Variants in TAOK1 observed in about 807,000 individuals in gnomAD.
TAOK1 encodes the protein TAO kinase 1.
In TAOK1, 21 loss-of-function variants were observed where a neutral mutation model predicts 138.3. The observed-to-expected ratio is 0.15, with a 90% CI of 0.11 to 0.22. TAOK1 has a LOEUF of 0.22. Ranked by LOEUF, TAOK1 falls within the 10% of genes least tolerant of loss-of-function variation. The pLI is 1.00. For missense variants in TAOK1, 651 were observed against 1,227.7 expected (o/e 0.53, Z 7.02); for synonymous variants, 361 against 398.4 (o/e 0.91, Z 1.12).
intron 1 of TAOK1, among the ~76,000 whole-genome samples, chr17:29,422,976 G>A (rs1346567252): frequency 2.0e-5 from 3 of 152,124 alleles, no homozygotes; most frequent in Non-Finnish European, 4.4e-5. Flanking sequence ...AGTGAGTTGA[G>A]ATCGCCTCAT....
intron 1 of TAOK1, among the ~76,000 whole-genome samples, chr17:29,394,158 T>TTTTTG (rs1279952131): frequency 3.8e-5 from 4 of 106,296 alleles, no homozygotes; most frequent in Non-Finnish European, 7.3e-5. Flanking sequence ...CAGTTTTTTT[T>TTTTTG]TTTTTTTTTT....
chr17:29,450,475 G>T (rs1010793770), intron 1 of TAOK1, among the ~76,000 whole-genome samples: 1 of 151,904 alleles, frequency 6.6e-6, no homozygotes, highest in African/African-American at 2.4e-5. Flanking sequence ...TCATTCCAGA[G>T]TCCAGGTTCC....
chr17:29,477,079 T>C (rs1278873894), intron 4 of TAOK1, among the ~76,000 whole-genome samples: 1 of 152,120 alleles, frequency 6.6e-6, no homozygotes, highest in African/African-American at 2.4e-5. Context: ...TCTCCTAACC[T>C]GGTGATCTGC....
At chr17:29,532,874 C>T (rs575551472) in intron 18 of TAOK1, among the ~76,000 whole-genome samples, 10 of 151,880 alleles carry the variant, frequency 6.6e-5, no homozygotes, top group Non-Finnish European at 1.3e-4. Context: ...ACCTCCCAGA[C>T]GGGGTGGTGG....
At chr17:29,474,865 AGT>A (rs2030908734) in intron 3 of TAOK1, among the ~76,000 whole-genome samples, 1 of 151,504 alleles carries the variant, frequency 6.6e-6, no homozygotes, top group African/African-American at 2.4e-5. Context: ...AAAAAAAAAA[AGT>A]AACATCTGTG....
At chr17:29,506,625 C>T (rs1298220721) in intron 13 of TAOK1, among the ~76,000 whole-genome samples, 1 of 151,548 alleles carries the variant, frequency 6.6e-6, no homozygotes, top group Non-Finnish European at 1.5e-5. Context: ...AAATGTCTCA[C>T]CATAAAAAAT....
chr17:29,497,727 A>G (rs190591284), intron 11 of TAOK1, among the ~76,000 whole-genome samples: 276 of 151,716 alleles, frequency 1.8e-3, no homozygotes, highest in South Asian at 6.0e-3. Flanking sequence ...AAAAAAAAAA[A>G]AAAGAAAGAC....
chr17:29,517,048 GAGATCTCAGC>G (rs2031829529), intron 15 of TAOK1, among the ~76,000 whole-genome samples: 1 of 150,846 alleles, frequency 6.6e-6, no homozygotes, highest in South Asian at 2.1e-4. Context: ...GTGCAGTGGC[GAGATCTCAGC>G]TCACTGCAAG....
chr17:29,504,660 A>G (rs1469650234), intron 13 of TAOK1, among the ~76,000 whole-genome samples: 1 of 152,056 alleles, frequency 6.6e-6, no homozygotes, highest in Admixed American at 6.6e-5. Context: ...TCAGAGCGAG[A>G]CTCTGTCTCA....
At chr17:29,464,319 C>G (rs2030602898) in intron 2 of TAOK1, among the ~76,000 whole-genome samples, 1 of 151,486 alleles carries the variant, frequency 6.6e-6, no homozygotes, top group East Asian at 1.9e-4. Context: ...TGGCGGGCAC[C>G]TGTAGTCCCA....
At chr17:29,449,058 G>A (rs1015942888) in intron 1 of TAOK1, among the ~76,000 whole-genome samples, 1 of 152,130 alleles carries the variant, frequency 6.6e-6, no homozygotes, top group African/African-American at 2.4e-5. Context: ...GAAAGAAGAT[G>A]CCGATCATGG....
At chr17:29,466,639 C>T (rs184190763) in intron 2 of TAOK1, among the ~76,000 whole-genome samples, 17 of 152,168 alleles carry the variant, frequency 1.1e-4, no homozygotes, top group African/African-American at 4.1e-4. Flanking sequence ...CTATTTTTCT[C>T]TTATATATTC....
chr17:29,513,801 G>C (rs753890073), intron 15 of TAOK1: 1 of 152,054 alleles, frequency 6.6e-6, no homozygotes, highest in African/African-American at 2.4e-5. Flanking sequence ...AAAATTAGCC[G>C]GGCGTGGTGG....
At chr17:29,530,769 C>G in intron 18 of TAOK1, 150 bp downstream of exon 18, 1 of 671,426 alleles carries the variant, frequency 1.5e-6, no homozygotes, top group Non-Finnish European at 2.6e-6. Flanking sequence ...TTCCTGTTCT[C>G]AACATTGCTT....
intron 15 of TAOK1, chr17:29,514,372 T>G (rs1265970232): frequency 6.6e-6 from 1 of 152,124 alleles, no homozygotes; most frequent in African/African-American, 2.4e-5. Flanking sequence ...TTTGTTTTGC[T>G]TTTTTTGAGA....
At chr17:29,500,750 A>C (rs550319569) in intron 12 of TAOK1, among the ~76,000 whole-genome samples, 3 of 152,214 alleles carry the variant, frequency 2.0e-5, no homozygotes, top group Admixed American at 6.5e-5. Context: ...AAAAAAAAAA[A>C]AAAACTGTGG....
intron 3 of TAOK1, among the ~76,000 whole-genome samples, chr17:29,467,961 G>A (rs768728909): frequency 3.4e-4 from 51 of 150,742 alleles, no homozygotes; most frequent in Non-Finnish European, 6.6e-4. Flanking sequence ...AGAGTATCTG[G>A]GATTACAGTT....
chr17:29,480,317 C>T, intron 6 of TAOK1, 51 bp from the exon 7 acceptor site: 1 of 1,329,250 alleles, frequency 7.5e-7, no homozygotes, highest in South Asian at 1.3e-5. Context: ...TCGTTTTAAA[C>T]ATAATCTATT....
chr17:29,453,475 T>G (rs147253241), intron 2 of TAOK1, among the ~76,000 whole-genome samples: 270 of 152,260 alleles, frequency 1.8e-3, no homozygotes, highest in Non-Finnish European at 2.8e-3. Context: ...GGTCTCAAAC[T>G]CCTGACCTCA....
Sources: gnomAD v4.1 joint callset for allele counts (sites outside exome capture counted in the v4.1 genomes callset) on GRCh38, gnomAD v4.1.1 for gene constraint, MANE v1.5 for transcripts, NCBI Gene and HGNC (gene_info 2026-07-23, HGNC 2026-07-21) for gene names.